STX6: variants seen among roughly 807,000 people sequenced by gnomAD.
The protein encoded by STX6 is syntaxin-6.
In STX6, 23 loss-of-function variants were observed where a neutral mutation model predicts 38.0. The ratio of observed to expected loss-of-function variants is 0.60; its 90% CI spans 0.43 to 0.86. The LOEUF (loss-of-function observed/expected upper bound fraction) is 0.86. Among genes scored for constraint, STX6 ranks in the 40% least tolerant of loss-of-function variants. STX6 has a pLI of 0.00. For missense variants in STX6, 274 were observed against 312.9 expected (o/e 0.88, Z 0.94); for synonymous variants, 123 against 107.5 (o/e 1.14, Z -0.89).
chr1:181,005,221 G>T (rs531389981), intron 2 of STX6, 73 bp downstream of exon 2: 3 of 1,547,334 alleles, frequency 1.9e-6, no homozygotes, highest in African/African-American at 1.4e-5. Flanking sequence ...TCTACATACT[G>T]GAAACAACTG....
intron 6 of STX6, among the ~76,000 whole-genome samples, chr1:180,986,788 G>A (rs1364354966): frequency 6.6e-6 from 1 of 152,150 alleles, no homozygotes. Flanking sequence ...GTAGGGGTGT[G>A]TCAATGCACC....
chr1:181,015,670 CTT>C (rs879761357), intron 1 of STX6, among the ~76,000 whole-genome samples: 17 of 142,430 alleles, frequency 1.2e-4, no homozygotes, highest in Non-Finnish European at 9.3e-5. Context: ...CCACACAAAT[CTT>C]TTTTTTTTTT....
chr1:181,000,395 A>G (rs1198828802), intron 3 of STX6, among the ~76,000 whole-genome samples: 1 of 152,244 alleles, frequency 6.6e-6, no homozygotes, highest in Non-Finnish European at 1.5e-5. Context: ...CAGAAGGAGA[A>G]GCAAGGCAAC....
At chr1:180,983,935 G>GCTAC (rs1655485763) in intron 7 of STX6, among the ~76,000 whole-genome samples, 1 of 151,498 alleles carries the variant, frequency 6.6e-6, no homozygotes, top group African/African-American at 2.4e-5. Context: ...ATGGTGGCGG[G>GCTAC]CGCCTGTAGT....
intron 1 of STX6, among the ~76,000 whole-genome samples, chr1:181,008,225 T>C (rs1170726981): frequency 6.6e-6 from 1 of 152,218 alleles, no homozygotes; most frequent in African/African-American, 2.4e-5. Context: ...CCAAGTAAAA[T>C]GGGAAGGAGT....
At chr1:180,986,879 A>G (rs7553330) in intron 6 of STX6, among the ~76,000 whole-genome samples, 84,899 of 151,936 alleles carry the variant, frequency 0.56, 24,080 homozygotes, top group East Asian at 0.63. Flanking sequence ...TCAGGCCATT[A>G]GTCCTTTCCC....
At chr1:180,988,612 T>G (rs1204452457) in intron 5 of STX6, 1 of 347,296 alleles carries the variant, frequency 2.9e-6, no homozygotes, top group East Asian at 7.1e-5. Flanking sequence ...TCTGGTTGGC[T>G]GACGTCCAAT....
Position 180,975,395 on chromosome 1 carries a change from T to C in STX6, c.*1175A>G, listed in dbSNP as rs1218395381. 1 of 100,658 alleles carries C rather than the reference T, an allele frequency of 9.9e-6. No homozygotes were observed. The highest frequency in any genetic ancestry group is 1.1e-4 in the Admixed American group (1 of 9,244). The allele number at this position is 100,658 out of a possible 1,614,324, so 6.2% of individuals were successfully genotyped here. On this transcript the variant is annotated 3_prime_UTR_variant, in exon 8 of 8. Coordinates refer to ENST00000258301, the MANE Select transcript of STX6 (RefSeq NM_005819.6). ...TTAGTGTCTCAGCAGTTTCAGCTAC[T>C]TAAACTCAATTAAAGCATCTATCAT...
At chr1:181,002,140 A>G (rs1168551773) in intron 3 of STX6, among the ~76,000 whole-genome samples, 1 of 152,186 alleles carries the variant, frequency 6.6e-6, no homozygotes, top group Admixed American at 6.5e-5. Flanking sequence ...CTTGTGTCAA[A>G]AAAAGAAAGA....
intron 1 of STX6, among the ~76,000 whole-genome samples, chr1:181,005,999 C>T (rs1226442630): frequency 6.6e-6 from 1 of 152,152 alleles, no homozygotes; most frequent in African/African-American, 2.4e-5. Context: ...AATTTCCAAA[C>T]ATTATTAGCT....
At chr1:181,006,235 G>C (rs567734881) in intron 1 of STX6, among the ~76,000 whole-genome samples, 2 of 151,596 alleles carry the variant, frequency 1.3e-5, no homozygotes, top group South Asian at 4.2e-4. Flanking sequence ...GCTAATTTTT[G>C]TATTTTTAGT....
At chr1:181,006,252 G>A (rs746211096) in intron 1 of STX6, among the ~76,000 whole-genome samples, 3 of 151,644 alleles carry the variant, frequency 2.0e-5, no homozygotes, top group Non-Finnish European at 4.4e-5. Context: ...TAGTAGAGAC[G>A]GGGTTTTGCC....
chr1:180,980,371 T>C (rs1292192298), intron 7 of STX6, among the ~76,000 whole-genome samples: 1 of 152,038 alleles, frequency 6.6e-6, no homozygotes, highest in African/African-American at 2.4e-5. Context: ...CTAGCAAGGA[T>C]GTGGAGCAAT....
rs528087012 is a variant in STX6 at position 181,015,571 on chromosome 1, T to G, written c.35+7068A>C. ...AATAAGAGACCTTGGGGCTCAGACA[T>G]ATTGGCTGCTTGCCTCAAGTTCTTC... On this transcript the variant is annotated intron_variant, in intron 1 of 7. Transcript: ENST00000258301. 5.9e-5 allele frequency among the ~76,000 whole-genome samples: 9 copies of G among 151,864 alleles called. No individual in the cohort carries two copies. In the South Asian group the frequency reaches 1.0e-3, roughly 17 times the overall value.
At chr1:180,989,922 A>T in intron 5 of STX6, 62 bp downstream of exon 5, 1 of 1,593,488 alleles carries the variant, frequency 6.3e-7, no homozygotes, top group Non-Finnish European at 8.6e-7. Context: ...TGGCTGGCAA[A>T]GGAACTAAGG....
Position 180,984,730 on chromosome 1 carries a change from G to A in STX6, c.638C>T (p.Ser213Phe). 1 of 1,597,992 alleles carries A rather than the reference G, an allele frequency of 6.3e-7. No homozygotes were observed. The highest frequency in any genetic ancestry group is 8.6e-7 in the Non-Finnish European group (1 of 1,165,576). The change falls in exon 7 of 8, where the codon TCC (serine) becomes TTC (phenylalanine). Residue 213 changes from serine (S) to phenylalanine (F), a missense_variant. By Grantham distance (155) the Ser-to-Phe change is radical. Transcript: ENST00000258301. The stretch of plus-strand genomic sequence containing the variant: ...TTTCTTCATCACATTGTCCAGCCGG[G>A]ACTGAGTGCTCTCCAATTCGTGAGA... The part of the protein sequence containing the change: ...DFSHELESTQ[S>F]RLDNVMKKLA...
intron 7 of STX6, among the ~76,000 whole-genome samples, chr1:180,981,968 G>A (rs928903653): frequency 6.6e-6 from 1 of 152,074 alleles, no homozygotes; most frequent in Non-Finnish European, 1.5e-5. Flanking sequence ...CTCCCCTAAA[G>A]AGAAAAGATT....
At chr1:181,013,839 A>G (rs1656478705) in intron 1 of STX6, among the ~76,000 whole-genome samples, 1 of 152,120 alleles carries the variant, frequency 6.6e-6, no homozygotes, top group Non-Finnish European at 1.5e-5. Context: ...ATCTCTCCAC[A>G]GTCTGCACAC....
At chr1:180,988,409 C>T (rs568647973) in intron 5 of STX6, 64 bp from the exon 6 acceptor site, 2 of 1,268,682 alleles carry the variant, frequency 1.6e-6, no homozygotes, top group South Asian at 1.2e-5. Flanking sequence ...AAGCCCAGCA[C>T]TCTAGCAGCT....
Sources: allele counts gnomAD v4.1 joint callset (sites outside exome capture counted in the v4.1 genomes callset), GRCh38; gene constraint gnomAD v4.1.1; transcripts MANE v1.5; gene names NCBI Gene and HGNC (gene_info 2026-07-23, HGNC 2026-07-21).